OXR1: variants seen among roughly 807,000 people sequenced by gnomAD.
OXR1 encodes oxidation resistance 1.
OXR1 carries 41 observed loss-of-function variants against 104.6 expected under a neutral mutation model. The ratio of observed to expected loss-of-function variants is 0.39; its 90% confidence interval spans 0.31 to 0.51. The LOEUF (loss-of-function observed/expected upper bound fraction) is 0.51, where lower values mean the gene tolerates loss of function less well. OXR1 is among the 20% of genes least tolerant of loss of function. OXR1 has a pLI of 0.77. For missense variants in OXR1, 955 were observed against 1,031.9 expected (o/e 0.93, Z 1.02); for synonymous variants, 348 against 348.4 (o/e 1.00, Z 0.01).
intron 3 of OXR1, among the ~76,000 whole-genome samples, chr8:106,647,579 G>A (rs1328522804): frequency 1.3e-5 from 2 of 152,184 alleles, no homozygotes; most frequent in African/African-American, 2.4e-5. Context: ...AGATGCAGAT[G>A]TAGTGACTGT....
intron 2 of OXR1, among the ~76,000 whole-genome samples, chr8:106,502,261 G>A (rs4734138): frequency 0.43 from 65,011 of 151,982 alleles, 16,892 homozygotes; most frequent in Non-Finnish European, 0.57. Context: ...TTTTTAACAA[G>A]GGGCCTCACA....
At chr8:106,728,217 GAAAAAAAAAA>G (rs1164061309) in intron 11 of OXR1, among the ~76,000 whole-genome samples, 1 of 85,796 alleles carries the variant, frequency 1.2e-5, no homozygotes, top group South Asian at 4.3e-4. Flanking sequence ...TTCTAAACTG[GAAAAAAAAAA>G]AAAAAAAAAA....
In OXR1 at chr8:106,399,729, CTG is replaced by C; in HGVS notation, c.23+40097_23+40098del. On this transcript the variant is annotated intron_variant, in intron 2 of 16. Coordinates refer to ENST00000517566, the MANE Select transcript of OXR1 (RefSeq NM_001198533.2). Reference sequence around the variant, plus strand: ...TAGCTTAAACAGGTGCTACTATCATCTGTGTTTTACAAATGAGAGGCAGGGCA... The same window carrying C: ...TAGCTTAAACAGGTGCTACTATCATCTGTTTTACAAATGAGAGGCAGGGCA... Among the ~76,000 whole-genome samples the C allele has an allele frequency of 2.0e-5, 3 of 152,232 alleles. No homozygotes were observed. In the South Asian group the frequency reaches 6.2e-4, roughly 32 times the overall value.
At chr8:106,367,478 AATTT>A (rs1816522668) in intron 2 of OXR1, among the ~76,000 whole-genome samples, 1 of 152,150 alleles carries the variant, frequency 6.6e-6, no homozygotes, top group South Asian at 2.1e-4. Flanking sequence ...AAATTAGTAT[AATTT>A]ATTTCTAAAC....
At chr8:106,537,848 A>G (rs17342061) in intron 3 of OXR1, among the ~76,000 whole-genome samples, 7,475 of 152,164 alleles carry the variant, frequency 0.049, 205 homozygotes, top group Middle Eastern at 0.068. Context: ...ATGGATCTTG[A>G]AGTAGAAACC....
intron 3 of OXR1, among the ~76,000 whole-genome samples, chr8:106,587,743 T>A (rs1388449301): frequency 6.6e-6 from 1 of 152,106 alleles, no homozygotes; most frequent in African/African-American, 2.4e-5. Flanking sequence ...CCCTCTCTTC[T>A]TGCATGTTTT....
At chr8:106,430,390 G>A (rs981833516) in intron 2 of OXR1, among the ~76,000 whole-genome samples, 2 of 152,102 alleles carry the variant, frequency 1.3e-5, no homozygotes, top group Non-Finnish European at 2.9e-5. Context: ...CTAAGAGAAA[G>A]AATATTTATT....
At chr8:106,351,756 A>G (rs1414807388) in intron 1 of OXR1, among the ~76,000 whole-genome samples, 1 of 152,162 alleles carries the variant, frequency 6.6e-6, no homozygotes, top group Non-Finnish European at 1.5e-5. Flanking sequence ...TACCACCAGC[A>G]TCTCCTTGTT....
intron 3 of OXR1, among the ~76,000 whole-genome samples, chr8:106,617,562 T>G (rs2045786): frequency 0.6 from 91,293 of 152,062 alleles, 28,516 homozygotes; most frequent in African/African-American, 0.79. Context: ...AAGACTAAAA[T>G]AAATAACTAT....
chr8:106,461,815 A>AAATT (rs138120816), intron 2 of OXR1, among the ~76,000 whole-genome samples: 16,723 of 152,068 alleles, frequency 0.11, 3,080 homozygotes, highest in African/African-American at 0.38. Context: ...GCACCAAAGG[A>AAATT]AATTACTCAT....
At chr8:106,575,985 AAC>A (rs35038334) in intron 3 of OXR1, among the ~76,000 whole-genome samples, 22,980 of 144,236 alleles carry the variant, frequency 0.16, 1,943 homozygotes, top group East Asian at 0.45. Context: ...AAATGTTTAT[AAC>A]ACACACACAC....
chr8:106,316,315 C>T (rs535927133), intron 1 of OXR1, among the ~76,000 whole-genome samples: 1 of 152,290 alleles, frequency 6.6e-6, no homozygotes, highest in Admixed American at 6.5e-5. Flanking sequence ...CCAGGGAGTT[C>T]AGTCTCCCAG....
intron 3 of OXR1, among the ~76,000 whole-genome samples, chr8:106,579,510 G>T (rs554598607): frequency 6.6e-6 from 1 of 152,314 alleles, no homozygotes; most frequent in South Asian, 2.1e-4. Context: ...CTACGAGAGT[G>T]CAGGGAAGGA....
intron 2 of OXR1, among the ~76,000 whole-genome samples, chr8:106,503,881 C>A (rs74348491): frequency 0.012 from 1,895 of 152,292 alleles, 31 homozygotes; most frequent in East Asian, 0.08. Flanking sequence ...GGTCTACTGT[C>A]AGAGCCCTGG....
intron 2 of OXR1, among the ~76,000 whole-genome samples, chr8:106,495,498 T>C (rs989960361): frequency 6.6e-6 from 1 of 152,210 alleles, no homozygotes; most frequent in African/African-American, 2.4e-5. Flanking sequence ...TCCAGTTCCC[T>C]AGTTTTCCTG....
chr8:106,440,937 G>A (rs552121669), intron 2 of OXR1, among the ~76,000 whole-genome samples: 58 of 152,118 alleles, frequency 3.8e-4, no homozygotes, highest in South Asian at 1.5e-3. Context: ...CCCAGTATTA[G>A]TATTAGCCAT....
At chr8:106,378,853 C>T (rs1236994936) in intron 2 of OXR1, among the ~76,000 whole-genome samples, 3 of 152,136 alleles carry the variant, frequency 2.0e-5, no homozygotes, top group African/African-American at 4.8e-5. Flanking sequence ...CTCCTGCTAC[C>T]ACTGCTTAAG....
intron 1 of OXR1, among the ~76,000 whole-genome samples, chr8:106,323,283 C>T (rs1814306360): frequency 6.6e-6 from 1 of 152,054 alleles, no homozygotes; most frequent in Non-Finnish European, 1.5e-5. Context: ...CAAGCAATGG[C>T]AAAAAGACTT....
At chr8:106,362,512 A>G (rs1044683364) in intron 2 of OXR1, among the ~76,000 whole-genome samples, 2 of 152,178 alleles carry the variant, frequency 1.3e-5, no homozygotes, top group African/African-American at 4.8e-5. Context: ...ACTTGAAAAA[A>G]TATATAAATA....
Sources: gnomAD v4.1 joint callset for allele counts (sites outside exome capture counted in the v4.1 genomes callset) on GRCh38, gnomAD v4.1.1 for gene constraint, MANE v1.5 for transcripts, NCBI Gene and HGNC (gene_info 2026-07-23, HGNC 2026-07-21) for gene names.